The following RANBP2 variants were observed in gnomAD, a reference collection of about 807,000 sequenced individuals.
The protein encoded by RANBP2 is E3 SUMO-protein ligase RanBP2.
A neutral mutation model predicts 303.6 loss-of-function variants in RANBP2; 57 were observed. That is an observed-to-expected ratio of 0.19 (90% CI 0.15 to 0.23). The LOEUF is 0.23. Ranked by LOEUF, RANBP2 falls within the 10% of genes least tolerant of loss-of-function variation. RANBP2 has a pLI of 1.00. For synonymous variants in RANBP2, 1,167 were observed against 1,301.5 expected (o/e 0.90, Z 2.23); for missense variants, 3,138 against 3,780.8 (o/e 0.83, Z 4.46).
chr2:109,281,581 G>A, the RANBP2 span, among the ~76,000 whole-genome samples: 78 of 152,190 alleles, frequency 5.1e-4, no homozygotes, highest in Non-Finnish European at 4.9e-4. Flanking sequence ...AAGGATGGGA[G>A]CCTCTGGGAT....
intron 23 of RANBP2, among the ~76,000 whole-genome samples, chr2:108,773,274 C>T (rs140538219): frequency 0.014 from 2,149 of 152,148 alleles, 51 homozygotes; most frequent in African/African-American, 0.05. Flanking sequence ...CCTGCCACCA[C>T]GCCTGGCTAA....
the RANBP2 span, among the ~76,000 whole-genome samples, chr2:109,510,865 G>T: frequency 0.11 from 16,147 of 152,250 alleles, 918 homozygotes; most frequent in East Asian, 0.22. Context: ...TGGGACGGGT[G>T]GCCGGAGCTA....
chr2:109,162,382 T>G, the RANBP2 span, among the ~76,000 whole-genome samples: 1 of 152,204 alleles, frequency 6.6e-6, no homozygotes, highest in East Asian at 1.9e-4. Flanking sequence ...CTCTTAGGGC[T>G]CCTCAACCTT....
the RANBP2 span, among the ~76,000 whole-genome samples, chr2:109,254,268 T>C: frequency 6.6e-6 from 1 of 152,184 alleles, no homozygotes; most frequent in Non-Finnish European, 1.5e-5. Context: ...TTCTAGAGTT[T>C]TTAGCACGCA....
the RANBP2 span, among the ~76,000 whole-genome samples, chr2:109,452,435 T>G: frequency 6.6e-6 from 1 of 152,196 alleles, no homozygotes; most frequent in Non-Finnish European, 1.5e-5. Flanking sequence ...GAAAAGACAG[T>G]GAGCTCCTCA....
the RANBP2 span, among the ~76,000 whole-genome samples, chr2:108,965,478 A>AAAG: frequency 5.9e-5 from 9 of 151,490 alleles, no homozygotes; most frequent in African/African-American, 2.2e-4. Flanking sequence ...AAAAAAAAAA[A>AAAG]AGATAATAAA....
At chr2:109,249,647 C>CTCTTTCTTTCTT in the RANBP2 span, among the ~76,000 whole-genome samples, 55 of 130,862 alleles carry the variant, frequency 4.2e-4, 1 homozygote, top group African/African-American at 1.6e-3. Context: ...CTCTGTTTCT[C>CTCTTTCTTTCTT]TCTTTCTTTC....
the RANBP2 span, chr2:109,437,087 G>C: frequency 7.4e-6 from 12 of 1,613,580 alleles, no homozygotes; most frequent in Non-Finnish European, 1.0e-5. Flanking sequence ...CCAACAGGCA[G>C]CTGTCTACGG....
At chr2:109,060,246 C>CT in the RANBP2 span, among the ~76,000 whole-genome samples, 7 of 152,270 alleles carry the variant, frequency 4.6e-5, no homozygotes, top group South Asian at 1.5e-3. Flanking sequence ...AATACACATA[C>CT]TTAGAAACTG....
the RANBP2 span, among the ~76,000 whole-genome samples, chr2:109,071,312 T>C: frequency 6.6e-6 from 1 of 152,054 alleles, no homozygotes; most frequent in Admixed American, 6.6e-5. Context: ...GGGAAATGGG[T>C]TTGGAGTATA....
the RANBP2 span, among the ~76,000 whole-genome samples, chr2:108,837,470 T>C: frequency 6.6e-6 from 1 of 152,144 alleles, no homozygotes. Context: ...GTATATATGA[T>C]GGTGGTCCCA....
At chr2:109,314,982 G>A in the RANBP2 span, among the ~76,000 whole-genome samples, 2 of 152,154 alleles carry the variant, frequency 1.3e-5, no homozygotes, top group Non-Finnish European at 2.9e-5. Flanking sequence ...CCCCCAGCAG[G>A]CATTCCAGAG....
chr2:108,850,686 C>G, the RANBP2 span, among the ~76,000 whole-genome samples: 145 of 152,226 alleles, frequency 9.5e-4, no homozygotes, highest in African/African-American at 3.3e-3. Context: ...CTCCTGACCT[C>G]ATGATCTGCC....
chr2:109,084,019 C>T, the RANBP2 span, among the ~76,000 whole-genome samples: 5 of 152,132 alleles, frequency 3.3e-5, no homozygotes, highest in African/African-American at 7.2e-5. Context: ...TCACCCTTTC[C>T]CTCCAGATGT....
At chr2:109,121,050 T>A in the RANBP2 span, among the ~76,000 whole-genome samples, 1 of 151,994 alleles carries the variant, frequency 6.6e-6, no homozygotes, top group Non-Finnish European at 1.5e-5. Flanking sequence ...ATCGAGACCA[T>A]CCTAGCTAAC....
At chr2:109,225,306 T>C in the RANBP2 span, among the ~76,000 whole-genome samples, 16,724 of 152,260 alleles carry the variant, frequency 0.11, 1,579 homozygotes, top group East Asian at 0.33. Context: ...CAAACCATTG[T>C]ACTCAGCTGG....
the RANBP2 span, among the ~76,000 whole-genome samples, chr2:109,230,503 CTAG>C: frequency 6.6e-6 from 1 of 152,084 alleles, no homozygotes; most frequent in Non-Finnish European, 1.5e-5. Context: ...TTGCTTGAAC[CTAG>C]TAGGTAGAGG....
chr2:109,530,194 T>A, the RANBP2 span, among the ~76,000 whole-genome samples: 2 of 152,164 alleles, frequency 1.3e-5, no homozygotes. Context: ...CTCATGGGTG[T>A]GGCAATGTGG....
the RANBP2 span, among the ~76,000 whole-genome samples, chr2:109,547,009 C>T: frequency 3.3e-5 from 5 of 152,194 alleles, no homozygotes; most frequent in Non-Finnish European, 5.9e-5. Context: ...TCCCTTTAGG[C>T]GCCTAAAGGC....
Sources: gnomAD v4.1 joint callset for allele counts (sites outside exome capture counted in the v4.1 genomes callset) on GRCh38, gnomAD v4.1.1 for gene constraint, MANE v1.5 for transcripts, NCBI Gene and HGNC (gene_info 2026-07-23, HGNC 2026-07-21) for gene names.